INTS4: variants seen among roughly 807,000 people sequenced by gnomAD.
INTS4 encodes the protein MSTP093.
INTS4 carries 70 observed loss-of-function variants against 119.5 expected under a neutral mutation model. The ratio of observed to expected loss-of-function variants is 0.59; its 90% confidence interval spans 0.48 to 0.71. The LOEUF is 0.71. Ranked by LOEUF, INTS4 falls within the 30% of genes least tolerant of loss-of-function variation. The pLI is 0.00. For missense variants in INTS4, 867 were observed against 1,173.2 expected (o/e 0.74, Z 3.81); for synonymous variants, 316 against 419.6 (o/e 0.75, Z 3.02).
chr11:77,935,469 C>T (rs1340665707), intron 10 of INTS4, among the ~76,000 whole-genome samples: 2 of 152,200 alleles, frequency 1.3e-5, no homozygotes, highest in Admixed American at 6.5e-5. Flanking sequence ...TGCAGATGGT[C>T]GCCTCAAGTC....
intron 7 of INTS4, 117 bp downstream of exon 7, chr11:77,958,629 C>T: frequency 3.0e-6 from 2 of 666,096 alleles, no homozygotes; most frequent in South Asian, 3.4e-5. Flanking sequence ...CCCTTATTCC[C>T]CATTGCCTTC....
chr11:77,967,498 A>G (rs1855552747), intron 4 of INTS4, among the ~76,000 whole-genome samples: 1 of 152,152 alleles, frequency 6.6e-6, no homozygotes, highest in Non-Finnish European at 1.5e-5. Flanking sequence ...GCCCTTACAG[A>G]GGTATATCCC....
intron 22 of INTS4, among the ~76,000 whole-genome samples, chr11:77,880,044 C>A (rs994740447): frequency 1.3e-5 from 2 of 152,134 alleles, no homozygotes; most frequent in African/African-American, 2.4e-5. Context: ...CTATTAACCA[C>A]AAGCTTCTAT....
intron 18 of INTS4, chr11:77,900,492 G>T (rs747304472): frequency 1.7e-6 from 1 of 577,572 alleles, no homozygotes; most frequent in Non-Finnish European, 3.1e-6. Flanking sequence ...TTTTCAGGAT[G>T]TTATTTCTGA....
intron 13 of INTS4, 113 bp downstream of exon 13, chr11:77,922,243 A>AAG: frequency 7.9e-6 from 11 of 1,400,662 alleles, no homozygotes; most frequent in Non-Finnish European, 9.4e-6. Context: ...AAAAAAAAAA[A>AAG]AAAGAAAGAA....
At chr11:77,951,421 T>C (rs1311467786) in intron 8 of INTS4, among the ~76,000 whole-genome samples, 4 of 152,264 alleles carry the variant, frequency 2.6e-5, no homozygotes, top group East Asian at 3.9e-4. Context: ...GAAAGGATTC[T>C]CTATTTAATA....
At chr11:77,953,677 A>G (rs535667268) in intron 8 of INTS4, among the ~76,000 whole-genome samples, 1 of 151,608 alleles carries the variant, frequency 6.6e-6, no homozygotes, top group East Asian at 1.9e-4. Context: ...CCTGCCTCCC[A>G]GGTTCAAGTG....
chr11:77,965,345 C>G (rs1049702987), intron 4 of INTS4, among the ~76,000 whole-genome samples: 1 of 152,144 alleles, frequency 6.6e-6, no homozygotes, highest in Admixed American at 6.6e-5. Flanking sequence ...AGCCACTGCA[C>G]CTCCCTACTC....
chr11:77,900,247 A>G (rs560504871), intron 18 of INTS4, among the ~76,000 whole-genome samples: 1 of 151,974 alleles, frequency 6.6e-6, no homozygotes, highest in Non-Finnish European at 1.5e-5. Context: ...CTACTGGTGC[A>G]TGCCACCATG....
intron 8 of INTS4, among the ~76,000 whole-genome samples, chr11:77,949,723 G>A (rs371640989): frequency 6.6e-6 from 1 of 152,202 alleles, no homozygotes; most frequent in South Asian, 2.1e-4. Flanking sequence ...AACAACAGGT[G>A]CTGGAGAGGA....
intron 8 of INTS4, among the ~76,000 whole-genome samples, chr11:77,951,165 A>G (rs528943830): frequency 1.1e-3 from 166 of 152,234 alleles, no homozygotes; most frequent in Non-Finnish European, 1.6e-3. Flanking sequence ...GCTATTGTGA[A>G]TAGTGCCACA....
intron 2 of INTS4, among the ~76,000 whole-genome samples, chr11:77,983,522 C>A (rs1271369359): frequency 1.3e-5 from 2 of 152,156 alleles, no homozygotes; most frequent in Non-Finnish European, 2.9e-5. Context: ...GGGCAAAGAA[C>A]TTGAATAGAC....
At chr11:77,885,091 T>G (rs1951947116) in intron 21 of INTS4, among the ~76,000 whole-genome samples, 1 of 152,048 alleles carries the variant, frequency 6.6e-6, no homozygotes, top group South Asian at 2.1e-4. Context: ...TTCTTTTTTC[T>G]TTTCTTGAGA....
intron 15 of INTS4, among the ~76,000 whole-genome samples, chr11:77,917,356 C>A (rs566197071): frequency 1.3e-5 from 2 of 151,518 alleles, no homozygotes; most frequent in Non-Finnish European, 2.9e-5. Context: ...CTCTGTTGCC[C>A]AGACTGGAGT....
chr11:77,940,551 C>T (rs1180333119), intron 9 of INTS4, among the ~76,000 whole-genome samples: 1 of 152,218 alleles, frequency 6.6e-6, no homozygotes, highest in African/African-American at 2.4e-5. Context: ...GTCATACCAT[C>T]TCACAAAATG....
At chr11:77,987,623 T>C (rs756672039) in intron 2 of INTS4, 16 of 450,844 alleles carry the variant, frequency 3.5e-5, no homozygotes, top group Non-Finnish European at 7.1e-5. Context: ...CCCAATCCTT[T>C]GGGAGGGCCA....
intron 10 of INTS4, among the ~76,000 whole-genome samples, chr11:77,935,416 G>A (rs1953763200): frequency 6.6e-6 from 1 of 152,122 alleles, no homozygotes; most frequent in Admixed American, 6.6e-5. Flanking sequence ...CAAATTACTA[G>A]AAAGGAGAGA....
chr11:77,994,505 C>A, intron 1 of INTS4, 85 bp downstream of exon 1: 5 of 1,043,884 alleles, frequency 4.8e-6, no homozygotes. Context: ...GCGTATGGAG[C>A]CTCTTCTGTT....
chr11:77,937,455 T>C (rs1953824383), intron 10 of INTS4, among the ~76,000 whole-genome samples: 1 of 152,168 alleles, frequency 6.6e-6, no homozygotes, highest in African/African-American at 2.4e-5. Flanking sequence ...ATTAAAAGAC[T>C]GGTAGAGGCC....
Sources: gnomAD v4.1 joint callset for allele counts (sites outside exome capture counted in the v4.1 genomes callset) on GRCh38, gnomAD v4.1.1 for gene constraint, MANE v1.5 for transcripts, NCBI Gene and HGNC (gene_info 2026-07-23, HGNC 2026-07-21) for gene names.